GOLGA4: variants seen among roughly 807,000 people sequenced by gnomAD.
The protein encoded by GOLGA4 is golgin A4.
A neutral mutation model predicts 265.9 loss-of-function variants in GOLGA4; 169 were observed. The ratio of observed to expected loss-of-function variants is 0.64; its 90% confidence interval spans 0.56 to 0.72. The LOEUF (loss-of-function observed/expected upper bound fraction) is 0.72, where lower values mean the gene tolerates loss of function less well. Among genes scored for constraint, GOLGA4 ranks in the 30% least tolerant of loss-of-function variants. The pLI is 0.00. For synonymous variants in GOLGA4, 923 were observed against 855.8 expected (o/e 1.08, Z -1.37); for missense variants, 2,482 against 2,483.4 (o/e 1.00, Z 0.01).
rs1048070432 is a variant in GOLGA4, at chr3:37,315,349, T to C, written c.1235-71T>C. 16 of 1,321,496 alleles carry C rather than the reference T, an allele frequency of 1.2e-5. No individual in the cohort carries two copies. The African/African-American group carries it at 2.2e-4, about 18-fold the overall frequency. The allele number at this position is 1,321,496 out of a possible 1,614,324, so 81.9% of individuals were successfully genotyped here. On this transcript the variant is annotated intron_variant, in intron 10 of 23. Coordinates refer to ENST00000361924, the MANE Select transcript of GOLGA4 (RefSeq NM_002078.5). ...TACTGCTGCTCTTAGTTCTCAAAAA[T>C]TGAATGTAAAACACTTTAGCTCAAT...
Position 37,326,338 on chromosome 3 carries a change from GA to G in GOLGA4, c.4454del (p.Lys1485ArgfsTer14). On this transcript the variant is annotated frameshift_variant, in exon 14 of 24. Transcript: ENST00000361924. LOFTEE classifies it high-confidence loss of function. ...AAAAGGATGAGCAGATAAATTTATT[GA>G]AGGAAGAGCTTGATCAGCAAAATAA... ...YEKDEQINLL[K>X]EELDQQNKRF... 6.2e-7 allele frequency: 1 copy of G among 1,612,266 alleles called. No homozygotes were observed. Among genetic ancestry groups the G allele is most frequent in the Non-Finnish European group, 8.5e-7 (1 of 1,179,398 alleles).
At chr3:37,257,396 T>G (rs1044179325) in intron 2 of GOLGA4, among the ~76,000 whole-genome samples, 2 of 152,142 alleles carry the variant, frequency 1.3e-5, no homozygotes, top group African/African-American at 4.8e-5. Context: ...TTACATCCTG[T>G]CTTTGCTGTT....
chr3:37,281,971 A>G lies in GOLGA4; in HGVS notation c.176A>G (p.Gln59Arg). Residue 59 changes from glutamine (Q) to arginine (R), a missense_variant, in exon 3 of 24, where the codon CAG (glutamine) becomes CGG (arginine). Physicochemically the swap from Gln to Arg is conservative, Grantham distance 43. Around this residue, in one of 3 missense-constraint regions of GOLGA4, gnomAD observed 1,536 missense variants for 1,483.7 expected, o/e 1.04. Coordinates refer to ENST00000361924, the MANE Select transcript of GOLGA4 (RefSeq NM_002078.5). ...TTTTGGTTGCAGTCAGGTGACACAC[A>G]GTCTTTTGCACAGAAGCTCCAGCTC... ...GTPNRESGDTQSFAQKLQLRV... is the reference protein window; with the variant it reads ...GTPNRESGDTRSFAQKLQLRV... 2 of 1,612,030 alleles carry G rather than the reference A, an allele frequency of 1.2e-6. No homozygotes were observed. Among genetic ancestry groups the G allele is most frequent in the East Asian group, 2.2e-5 (1 of 44,832 alleles).
intron 21 of GOLGA4, among the ~76,000 whole-genome samples, chr3:37,348,990 G>A (rs1005290940): frequency 2.6e-5 from 4 of 152,178 alleles, no homozygotes; most frequent in Non-Finnish European, 5.9e-5. Flanking sequence ...CATGGCACAA[G>A]CAGCCCCATC....
intron 21 of GOLGA4, among the ~76,000 whole-genome samples, chr3:37,351,547 C>G (rs1187297153): frequency 6.6e-6 from 1 of 152,094 alleles, no homozygotes; most frequent in East Asian, 1.9e-4. Flanking sequence ...TTACCTATGG[C>G]CACTATAGCC....
Position 37,326,407 on chromosome 3 carries a change from C to G in GOLGA4, c.4521C>G (p.Ser1507Arg). Residue 1507 changes from serine (S) to arginine (R), a missense_variant, in exon 14 of 24, where the codon AGC (serine) becomes AGG (arginine). Physicochemically the swap from Ser to Arg is moderately radical, Grantham distance 110 (BLOSUM62 -1). Coordinates refer to ENST00000361924, the MANE Select transcript of GOLGA4 (RefSeq NM_002078.5). ...AGGGTGAAATGGAAGACGACAAGAG[C>G]AAGATGGAGAAAAAGGAGTCTAATT... ...CLKGEMEDDK[S>R]KMEKKESNLE... 2 of 1,612,622 alleles carry G rather than the reference C, an allele frequency of 1.2e-6. No homozygotes were observed. Among genetic ancestry groups the G allele is most frequent in the Non-Finnish European group, 1.7e-6 (2 of 1,179,158 alleles).
intron 20 of GOLGA4, among the ~76,000 whole-genome samples, chr3:37,341,960 A>G (rs1348494540): frequency 6.6e-6 from 1 of 152,204 alleles, no homozygotes. Flanking sequence ...CAAGGATAAT[A>G]TAGCTTATCT....
chr3:37,338,632 C>G (rs2097022304), intron 19 of GOLGA4, among the ~76,000 whole-genome samples: 1 of 152,068 alleles, frequency 6.6e-6, no homozygotes, highest in Non-Finnish European at 1.5e-5. Context: ...GTACACAGTT[C>G]ATTGACATTT....
intron 8 of GOLGA4, 105 bp from the exon 9 acceptor site, chr3:37,299,183 T>G (rs2096886485): frequency 7.5e-6 from 7 of 935,156 alleles, no homozygotes; most frequent in Non-Finnish European, 9.9e-6. Flanking sequence ...GTGTACTTTT[T>G]TCCTTCTGCA....
At chr3:37,249,107 G>T (rs955140220) in intron 1 of GOLGA4, among the ~76,000 whole-genome samples, 1 of 152,176 alleles carries the variant, frequency 6.6e-6, no homozygotes, top group African/African-American at 2.4e-5. Context: ...AGCCTTTGAG[G>T]CACCTACAGC....
At chr3:37,361,870 GAAT>G (rs1696300297) in intron 23 of GOLGA4, among the ~76,000 whole-genome samples, 1 of 152,212 alleles carries the variant, frequency 6.6e-6, no homozygotes, top group African/African-American at 2.4e-5. Flanking sequence ...TACTTTAATT[GAAT>G]GTGATTCTTC....
intron 2 of GOLGA4, among the ~76,000 whole-genome samples, chr3:37,262,562 A>G (rs1212047220): frequency 1.3e-5 from 2 of 152,112 alleles, no homozygotes; most frequent in East Asian, 1.9e-4. Flanking sequence ...GTAAATCACA[A>G]TAAAACTCAG....
Position 37,325,048 on chromosome 3 carries a change from A to G in GOLGA4, c.3162A>G (p.Gln1054=), listed in dbSNP as rs760446832. 2 of 1,613,030 alleles carry G rather than the reference A, an allele frequency of 1.2e-6. No individual in the cohort carries two copies. The highest frequency in any genetic ancestry group is 1.7e-6 in the Non-Finnish European group (2 of 1,179,678). Residue 1054 remains glutamine (Q), a synonymous_variant, in exon 14 of 24, where the codon CAA becomes CAG. Transcript: ENST00000361924. ...TCTGGGAAAAGAAACTTAATCAGCA[A>G]GCTGAAGAACTTCAGGAAATACATG... ...ISIWEKKLNQ[Q]AEELQEIHEI... is the part of the protein sequence containing the mutation.
chr3:37,357,329 C>T (rs557315005), intron 22 of GOLGA4, among the ~76,000 whole-genome samples: 9 of 152,196 alleles, frequency 5.9e-5, no homozygotes, highest in African/African-American at 2.2e-4. Context: ...CAGTCATCTA[C>T]TCTTCTAGTT....
chr3:37,299,184 T>C lies in GOLGA4; in HGVS notation c.1003-104T>C, dbSNP rs567839159. The C allele has an allele frequency of 3.7e-5, 35 of 934,780 alleles. No individual in the cohort carries two copies. In the South Asian group the frequency reaches 5.3e-4, roughly 14 times the overall value. 57.9% of individuals were successfully genotyped at this position (934,780 alleles called of 1,614,324 possible). On this transcript the variant is annotated intron_variant, in intron 8 of 23. Coordinates refer to ENST00000361924, the MANE Select transcript of GOLGA4 (RefSeq NM_002078.5). ...CCTTGAGACTTACTGTGTACTTTTT[T>C]CCTTCTGCACTGTAACATGTATATA...
intron 4 of GOLGA4, among the ~76,000 whole-genome samples, chr3:37,286,916 A>G (rs1485841203): frequency 1.3e-5 from 2 of 152,200 alleles, no homozygotes; most frequent in Admixed American, 1.3e-4. Context: ...CCACTATGTC[A>G]TCCTGTTTGC....
Position 37,327,243 on chromosome 3 carries a change from A to G in GOLGA4, c.5357A>G (p.Lys1786Arg), listed in dbSNP as rs369048363. Residue 1786 changes from lysine to arginine, a missense_variant, in exon 14 of 24, where the codon AAG (lysine) becomes AGG (arginine). Lys to Arg is a conservative substitution (Grantham distance 26, BLOSUM62 2). This residue lies in a region of GOLGA4 where 942 missense variants were observed against 983.1 expected (regional missense o/e 0.96). Transcript: ENST00000361924. ...RLIKLEHAEA[K>R]QHEDQSMIGH... ...ATAAAGCTAGAACATGCTGAGGCAA[A>G]GCAACATGAAGATCAAAGTATGATA... The G allele has an allele frequency of 4.2e-5, 67 of 1,613,808 alleles. No individual in the cohort carries two copies. Among genetic ancestry groups the G allele is most frequent in the Non-Finnish European group, 5.3e-5 (62 of 1,179,840 alleles).
At position 37,315,443 on chromosome 3, in the gene GOLGA4, T is replaced by G; in HGVS notation, c.1258T>G (p.Leu420Val). 6.2e-7 allele frequency: 1 copy of G among 1,613,356 alleles called. No individual in the cohort carries two copies. The highest frequency in any genetic ancestry group is 2.2e-5 in the East Asian group (1 of 44,858). Residue 420 changes from leucine (L) to valine (V), a missense_variant, in exon 11 of 24, where the codon TTG (leucine) becomes GTG (valine). Leu to Val is a conservative substitution (Grantham distance 32). Around this residue, in one of 3 missense-constraint regions of GOLGA4, gnomAD observed 1,536 missense variants for 1,483.7 expected, o/e 1.04. Coordinates refer to ENST00000361924, the MANE Select transcript of GOLGA4 (RefSeq NM_002078.5). ...RAAFEELEKALSTAQKTEEAR... is the reference protein window; with the variant it reads ...RAAFEELEKAVSTAQKTEEAR... The stretch of plus-strand genomic sequence containing the variant: ...AGCTTTTGAGGAACTTGAAAAAGCT[T>G]TGAGTACAGCCCAAAAAACAGAGGA...
chr3:37,310,545 T>G (rs1578630055), intron 10 of GOLGA4, among the ~76,000 whole-genome samples: 1 of 152,336 alleles, frequency 6.6e-6, no homozygotes, highest in South Asian at 2.1e-4. Flanking sequence ...ACCTTTCTCA[T>G]TTAACCCTTA....
Sources: allele counts gnomAD v4.1 joint callset (sites outside exome capture counted in the v4.1 genomes callset), GRCh38; gene constraint gnomAD v4.1.1; regional missense constraint gnomAD v4.1.1; transcripts MANE v1.5; gene names NCBI Gene and HGNC (gene_info 2026-07-23, HGNC 2026-07-21).